CCSER1: variants seen among roughly 807,000 people sequenced by gnomAD.
CCSER1 encodes serine-rich coiled-coil domain-containing protein 1.
A neutral mutation model predicts 82.0 loss-of-function variants in CCSER1; 41 were observed. The ratio of observed to expected loss-of-function variants is 0.50; its 90% CI spans 0.39 to 0.65. CCSER1 has a LOEUF of 0.65. Ranked by LOEUF, CCSER1 falls within the 30% of genes least tolerant of loss-of-function variation. The pLI is 0.00. For synonymous variants in CCSER1, 414 were observed against 383.9 expected, an observed-to-expected ratio of 1.08 and a Z score of -0.92; for missense variants, 1,119 against 1,064.2, an observed-to-expected ratio of 1.05 and a Z score of -0.72.
At chr4:90,381,883 T>A (rs909222997) in intron 3 of CCSER1, among the ~76,000 whole-genome samples, 22 of 152,148 alleles carry the variant, frequency 1.4e-4, no homozygotes, top group Admixed American at 1.2e-3. Context: ...AATTATTTTT[T>A]AAATTCCACT....
intron 5 of CCSER1, among the ~76,000 whole-genome samples, chr4:90,529,845 G>C (rs568156779): frequency 1.3e-5 from 2 of 151,766 alleles, no homozygotes; most frequent in Non-Finnish European, 2.9e-5. Flanking sequence ...TTTAGGGAAC[G>C]TTGCTCTATT....
At chr4:90,492,436 C>CT (rs902340924) in intron 5 of CCSER1, among the ~76,000 whole-genome samples, 3 of 152,112 alleles carry the variant, frequency 2.0e-5, no homozygotes, top group Non-Finnish European at 2.9e-5. Context: ...GGCTAGGAGA[C>CT]TATCAATTTT....
At chr4:90,781,849 CT>C (rs1753821331) in intron 7 of CCSER1, 1 of 943,454 alleles carries the variant, frequency 1.1e-6, no homozygotes, top group Admixed American at 6.2e-5. Flanking sequence ...TTTGTGTTTT[CT>C]ATTTCAGTTT....
chr4:91,417,458 T>C (rs913481438), intron 10 of CCSER1, among the ~76,000 whole-genome samples: 1 of 152,106 alleles, frequency 6.6e-6, no homozygotes. Context: ...TCATCAATGA[T>C]AGACTGGATG....
At chr4:91,515,309 A>G (rs1760047088) in intron 10 of CCSER1, among the ~76,000 whole-genome samples, 2 of 152,084 alleles carry the variant, frequency 1.3e-5, no homozygotes, top group South Asian at 2.1e-4. Flanking sequence ...TCACGCAGGT[A>G]TGAGGCATAG....
chr4:91,135,791 C>T (rs1264730289), intron 10 of CCSER1, among the ~76,000 whole-genome samples: 1 of 152,118 alleles, frequency 6.6e-6, no homozygotes, highest in African/African-American at 2.4e-5. Context: ...AACCTGGGTG[C>T]AGCATGAAGG....
intron 4 of CCSER1, among the ~76,000 whole-genome samples, chr4:90,446,049 C>T (rs558038658): frequency 6.6e-6 from 1 of 152,258 alleles, no homozygotes; most frequent in Non-Finnish European, 1.5e-5. Context: ...CCCTGCTTTT[C>T]ACCAAACACT....
At chr4:90,156,673 T>G (rs549373410) in intron 1 of CCSER1, among the ~76,000 whole-genome samples, 1 of 152,194 alleles carries the variant, frequency 6.6e-6, no homozygotes, top group Non-Finnish European at 1.5e-5. Flanking sequence ...AAAGTCTGTT[T>G]TATCCGAGAC....
At chr4:91,567,624 T>A (rs370151716) in intron 10 of CCSER1, among the ~76,000 whole-genome samples, 53 of 152,300 alleles carry the variant, frequency 3.5e-4, no homozygotes, top group East Asian at 1.9e-3. Context: ...TTCTTTGCCA[T>A]TATGTAATGC....
chr4:91,125,544 C>T (rs913975726), intron 10 of CCSER1, among the ~76,000 whole-genome samples: 1 of 151,650 alleles, frequency 6.6e-6, no homozygotes, highest in African/African-American at 2.4e-5. Context: ...GAAGATATTT[C>T]TTACCTATCT....
chr4:91,551,700 C>CACACACACACACACAA (rs1491222711), intron 10 of CCSER1, among the ~76,000 whole-genome samples: 7 of 139,226 alleles, frequency 5.0e-5, no homozygotes, highest in African/African-American at 1.9e-4. Flanking sequence ...CACACACACA[C>CACACACACACACACAA]AATCAGTCAA....
intron 10 of CCSER1, among the ~76,000 whole-genome samples, chr4:91,277,095 G>T (rs1742525949): frequency 6.6e-6 from 1 of 152,020 alleles, no homozygotes; most frequent in African/African-American, 2.4e-5. Flanking sequence ...GTTTATCAGG[G>T]ATATTGGACT....
intron 10 of CCSER1, among the ~76,000 whole-genome samples, chr4:91,414,160 G>T (rs949916974): frequency 6.6e-6 from 1 of 151,992 alleles, no homozygotes; most frequent in Non-Finnish European, 1.5e-5. Context: ...ATACTGTAAT[G>T]GTGGCATATA....
intron 10 of CCSER1, among the ~76,000 whole-genome samples, chr4:91,363,146 A>G (rs1324096693): frequency 1.3e-5 from 2 of 151,804 alleles, no homozygotes; most frequent in Non-Finnish European, 2.9e-5. Flanking sequence ...CAAAAACAAA[A>G]CAAACAAAGA....
chr4:91,524,419 A>C (rs1760667970), intron 10 of CCSER1, among the ~76,000 whole-genome samples: 1 of 152,230 alleles, frequency 6.6e-6, no homozygotes, highest in African/African-American at 2.4e-5. Context: ...GGATAAAGAC[A>C]CAAGTCTGCT....
At chr4:91,342,152 A>C (rs374044864) in intron 10 of CCSER1, among the ~76,000 whole-genome samples, 1 of 152,326 alleles carries the variant, frequency 6.6e-6, no homozygotes, top group African/African-American at 2.4e-5. Context: ...TGACATTTGT[A>C]ATTTTTACTA....
intron 5 of CCSER1, among the ~76,000 whole-genome samples, chr4:90,563,633 G>A (rs1006525507): frequency 6.6e-6 from 1 of 151,974 alleles, no homozygotes; most frequent in African/African-American, 2.4e-5. Context: ...TTTTTTGAGG[G>A]TAGTTACTAT....
chr4:90,487,387 G>A (rs1025038646), intron 5 of CCSER1, among the ~76,000 whole-genome samples: 1 of 152,190 alleles, frequency 6.6e-6, no homozygotes. Flanking sequence ...GTCACTTTGA[G>A]ACAATCATAA....
In CCSER1 at chr4:91,517,786, T is replaced by TGTGTGTGTGTG. The variant is rs1560732342; in HGVS notation, c.2218-80786_2218-80785insGTGTGTGTGTG. Among the ~76,000 whole-genome samples, 11 of 90,568 alleles carry TGTGTGTGTGTG rather than the reference T, an allele frequency of 1.2e-4. 1 individual carries two copies. Among genetic ancestry groups the TGTGTGTGTGTG allele is most frequent in the African/African-American group, 3.5e-4 (9 of 25,704 alleles). 59.4% of individuals were successfully genotyped at this position (90,568 alleles called of 152,430 possible). A position where few individuals can be genotyped will look rare whatever the true frequency, so the allele number is the denominator to read the frequency against. Reference sequence around the variant, plus strand: ...TGTGTGTGTGTGTGTGTGTGTGTGTTTAACTTTGATATAAATTGAGTACAG... The same window carrying TGTGTGTGTGTG: ...TGTGTGTGTGTGTGTGTGTGTGTGTTGTGTGTGTGTGTAACTTTGATATAAATTGAGTACAG... On this transcript the variant is annotated intron_variant, in intron 10 of 10. Transcript: ENST00000509176.
Sources: gnomAD v4.1 joint callset for allele counts (sites outside exome capture counted in the v4.1 genomes callset) on GRCh38, gnomAD v4.1.1 for gene constraint, MANE v1.5 for transcripts, NCBI Gene and HGNC (gene_info 2026-07-23, HGNC 2026-07-21) for gene names.